The following SGCZ variants were observed in gnomAD, a reference collection of about 807,000 sequenced individuals.
SGCZ encodes the protein sarcoglycan zeta, also known as zeta-sarcoglycan.
In SGCZ, 40 loss-of-function variants were observed where a neutral mutation model predicts 41.3. That is an observed-to-expected ratio of 0.97 (90% confidence interval 0.75 to 1.26). The LOEUF is 1.26. Ranked by LOEUF, SGCZ falls within the 50% of genes most tolerant of loss-of-function variation. The pLI, the probability that SGCZ is intolerant of heterozygous loss-of-function variation, is 0.00. For missense variants in SGCZ, 552 were observed against 369.8 expected, an observed-to-expected ratio of 1.49 and a Z score of -4.04; for synonymous variants, 206 against 137.5, an observed-to-expected ratio of 1.50 and a Z score of -3.49.
intron 4 of SGCZ, among the ~76,000 whole-genome samples, chr8:14,192,076 T>C (rs1039130975): frequency 9.2e-5 from 14 of 152,100 alleles, no homozygotes; most frequent in Non-Finnish European, 2.1e-4. Context: ...ATTTAATCAA[T>C]TGTATTTAAA....
At chr8:14,514,303 C>G (rs917920440) in intron 2 of SGCZ, among the ~76,000 whole-genome samples, 2 of 152,018 alleles carry the variant, frequency 1.3e-5, no homozygotes, top group African/African-American at 4.8e-5. Context: ...GAAGTGACTT[C>G]AGATATAAAT....
intron 1 of SGCZ, among the ~76,000 whole-genome samples, chr8:14,851,817 G>A (rs1803338959): frequency 6.6e-6 from 1 of 151,972 alleles, no homozygotes; most frequent in African/African-American, 2.4e-5. Flanking sequence ...GTGGGGAAAG[G>A]ATATTGTGCC....
chr8:14,161,800 CAGAG>C (rs763321874), intron 5 of SGCZ, among the ~76,000 whole-genome samples: 6 of 151,828 alleles, frequency 4.0e-5, no homozygotes, highest in Non-Finnish European at 7.4e-5. Flanking sequence ...ATATTTGAGA[CAGAG>C]AAAGAAATGA....
intron 4 of SGCZ, among the ~76,000 whole-genome samples, chr8:14,215,660 T>C (rs984359270): frequency 1.3e-5 from 2 of 152,066 alleles, no homozygotes; most frequent in Non-Finnish European, 2.9e-5. Context: ...AAAGAGACCA[T>C]ATCACTATAG....
At chr8:14,420,075 C>G (rs775174244) in intron 2 of SGCZ, among the ~76,000 whole-genome samples, 1 of 151,988 alleles carries the variant, frequency 6.6e-6, no homozygotes, top group Non-Finnish European at 1.5e-5. Context: ...TAATCTCATT[C>G]TATTTATTGC....
chr8:14,425,009 C>T (rs566295566), intron 2 of SGCZ, among the ~76,000 whole-genome samples: 2 of 152,164 alleles, frequency 1.3e-5, no homozygotes, highest in Admixed American at 6.5e-5. Flanking sequence ...TTCATGACTT[C>T]GTTATTGAGC....
At chr8:14,247,366 G>A (rs1037483831) in intron 3 of SGCZ, among the ~76,000 whole-genome samples, 1 of 152,094 alleles carries the variant, frequency 6.6e-6, no homozygotes, top group Non-Finnish European at 1.5e-5. Context: ...TGGTATTGAT[G>A]AATATGTATC....
chr8:14,852,015 C>A (rs963333825), intron 1 of SGCZ, among the ~76,000 whole-genome samples: 3 of 152,220 alleles, frequency 2.0e-5, no homozygotes, highest in Non-Finnish European at 4.4e-5. Flanking sequence ...AGGAAACAAA[C>A]TTTAGCAATC....
chr8:14,824,795 C>T (rs1478288001), intron 1 of SGCZ, among the ~76,000 whole-genome samples: 2 of 152,022 alleles, frequency 1.3e-5, no homozygotes, highest in African/African-American at 2.4e-5. Flanking sequence ...AAATTTTCAG[C>T]GATGTAGTAT....
Position 14,958,004 on chromosome 8 carries a change from G to T in SGCZ, c.39+279581C>A, listed in dbSNP as rs1028582282. On this transcript the variant is annotated intron_variant, in intron 1 of 7. Transcript: ENST00000382080. ...GTACTGAATCCTACAGTACTTGAAAGAAATTAGCACACTAAAAAGTCACAA... is the reference window on the plus strand; with the variant it reads ...GTACTGAATCCTACAGTACTTGAAATAAATTAGCACACTAAAAAGTCACAA... 9.2e-5 allele frequency among the ~76,000 whole-genome samples: 14 copies of T among 151,900 alleles called. 1 individual carries two copies. The highest frequency in any genetic ancestry group is 3.4e-4 in the African/African-American group (14 of 41,386).
rs1350379576 is a variant in SGCZ at position 14,784,912 on chromosome 8, A to AT, written c.40-229987_40-229986insA. 2.7e-3 allele frequency among the ~76,000 whole-genome samples: 228 copies of AT among 85,676 alleles called. 4 individuals carry two copies. Among genetic ancestry groups the AT allele is most frequent in the East Asian group, 0.01 (21 of 2,084 alleles). 56.2% of individuals were successfully genotyped at this position (85,676 alleles called of 152,430 possible). ...AGTGAAACTCTGCCTCAAAAAAAAA[A>AT]AATATATATATATATATATATAAAA... On this transcript the variant is annotated intron_variant, in intron 1 of 7. Transcript: ENST00000382080.
chr8:14,438,037 T>C (rs1416610099), intron 2 of SGCZ, among the ~76,000 whole-genome samples: 3 of 151,984 alleles, frequency 2.0e-5, no homozygotes, highest in Non-Finnish European at 4.4e-5. Flanking sequence ...ATAAACTACT[T>C]TCTCAAATGG....
chr8:14,937,063 G>C (rs1400880676), intron 1 of SGCZ, among the ~76,000 whole-genome samples: 1 of 151,618 alleles, frequency 6.6e-6, no homozygotes, highest in African/African-American at 2.4e-5. Context: ...TAATAAGATA[G>C]AAAATAAGAT....
intron 1 of SGCZ, among the ~76,000 whole-genome samples, chr8:14,991,894 T>C (rs909893552): frequency 6.7e-6 from 1 of 148,790 alleles, no homozygotes; most frequent in Non-Finnish European, 1.5e-5. Context: ...TCTCATCCAA[T>C]CTACTCCCAA....
chr8:14,562,850 T>C (rs1390742150), intron 1 of SGCZ, among the ~76,000 whole-genome samples: 1 of 152,050 alleles, frequency 6.6e-6, no homozygotes, highest in African/African-American at 2.4e-5. Flanking sequence ...AGATCAATAA[T>C]TGAAGTGACG....
intron 2 of SGCZ, among the ~76,000 whole-genome samples, chr8:14,453,179 T>G (rs544620032): frequency 1.3e-3 from 204 of 152,284 alleles, no homozygotes; most frequent in African/African-American, 4.4e-3. Flanking sequence ...CATGTATATA[T>G]TTTTATAAGT....
intron 1 of SGCZ, among the ~76,000 whole-genome samples, chr8:14,627,125 G>C (rs188973918): frequency 1.3e-5 from 2 of 152,024 alleles, no homozygotes; most frequent in Non-Finnish European, 2.9e-5. Context: ...GATACAAATT[G>C]TTAATACATT....
intron 5 of SGCZ, among the ~76,000 whole-genome samples, chr8:14,111,984 C>T (rs79317246): frequency 6.6e-6 from 1 of 152,096 alleles, no homozygotes; most frequent in East Asian, 1.9e-4. Context: ...GCTATCTATA[C>T]TATAAATGTT....
Position 14,848,989 on chromosome 8 carries a change from C to A in SGCZ, c.40-294063G>T, listed in dbSNP as rs144471618. On this transcript the variant is annotated intron_variant, in intron 1 of 7. Coordinates refer to ENST00000382080, the MANE Select transcript of SGCZ (RefSeq NM_139167.4). ...CTGTCAAAACACAATAATAAGAAAG[C>A]CAACAATTTAATTAAAAATTTAGTA... 5.8e-3 allele frequency among the ~76,000 whole-genome samples: 887 copies of A among 152,024 alleles called. 9 individuals are homozygous for A. Among genetic ancestry groups the A allele is most frequent in the Non-Finnish European group, 5.3e-3 (363 of 67,924 alleles).
Sources: allele counts gnomAD v4.1 joint callset (sites outside exome capture counted in the v4.1 genomes callset), GRCh38; gene constraint gnomAD v4.1.1; transcripts MANE v1.5; gene names NCBI Gene and HGNC (gene_info 2026-07-23, HGNC 2026-07-21).